Variants in SLC16A12 observed in about 807,000 individuals in gnomAD.
SLC16A12 encodes monocarboxylate transporter 12.
A neutral mutation model predicts 42.4 loss-of-function variants in SLC16A12; 17 were observed. That is an observed-to-expected ratio of 0.40 (90% confidence interval 0.27 to 0.60). The LOEUF is 0.60. Among genes scored for constraint, SLC16A12 ranks in the 20% least tolerant of loss-of-function variants. The pLI is 0.42. For missense variants in SLC16A12, 544 were observed against 623.0 expected (o/e 0.87, Z 1.35); for synonymous variants, 224 against 229.4 (o/e 0.98, Z 0.21).
upstream of SLC16A12, among the ~76,000 whole-genome samples, chr10:89,538,426 T>C (rs1382120282): frequency 6.6e-6 from 1 of 152,232 alleles, no homozygotes; most frequent in Admixed American, 6.5e-5. Flanking sequence ...TTACTACTAG[T>C]CTGTTGCACT....
At chr10:89,459,031 G>C (rs918155242) in intron 3 of SLC16A12, among the ~76,000 whole-genome samples, 7 of 152,192 alleles carry the variant, frequency 4.6e-5, no homozygotes, top group African/African-American at 1.7e-4. Context: ...TGAAAAGTAA[G>C]GAGAAAAGTT....
chr10:89,531,257 G>A (rs1370409396), intron 2 of SLC16A12, among the ~76,000 whole-genome samples: 2 of 151,938 alleles, frequency 1.3e-5, no homozygotes, highest in Non-Finnish European at 2.9e-5. Flanking sequence ...AAATTAGCCA[G>A]GCATGGTGGT....
chr10:89,468,696 C>T (rs1026045619), intron 2 of SLC16A12, among the ~76,000 whole-genome samples: 1 of 152,158 alleles, frequency 6.6e-6, no homozygotes, highest in Admixed American at 6.5e-5. Flanking sequence ...AAGAAATGTG[C>T]AGGTTAGACA....
intron 5 of SLC16A12, 25 bp downstream of exon 5, chr10:89,441,083 G>A (rs1841900489): frequency 5.0e-6 from 8 of 1,613,492 alleles, no homozygotes; most frequent in Non-Finnish European, 6.8e-6. Context: ...AGTGGGGTGA[G>A]ACAGGTGGTA....
At chr10:89,465,259 T>C (rs1842373925) in intron 2 of SLC16A12, among the ~76,000 whole-genome samples, 1 of 152,234 alleles carries the variant, frequency 6.6e-6, no homozygotes, top group Non-Finnish European at 1.5e-5. Flanking sequence ...TCCTAACCAA[T>C]GCCCTGCACT....
At chr10:89,520,655 A>G (rs1382767341) in intron 2 of SLC16A12, among the ~76,000 whole-genome samples, 2 of 149,316 alleles carry the variant, frequency 1.3e-5, no homozygotes, top group Non-Finnish European at 3.0e-5. Context: ...GCAAATGACA[A>G]TCCCTGGCAG....
At chr10:89,445,664 A>C (rs922148062) in intron 3 of SLC16A12, among the ~76,000 whole-genome samples, 2 of 152,238 alleles carry the variant, frequency 1.3e-5, no homozygotes, top group Non-Finnish European at 2.9e-5. Context: ...AGAGCAGAAA[A>C]GCTGAAAATT....
At chr10:89,468,130 A>G (rs1202000343) in intron 2 of SLC16A12, 3 of 152,214 alleles carry the variant, frequency 2.0e-5, no homozygotes, top group Non-Finnish European at 4.4e-5. Context: ...AAATTTAAAT[A>G]ATCATCCCAA....
At chr10:89,444,392 A>G (rs1841964915) in intron 3 of SLC16A12, among the ~76,000 whole-genome samples, 1 of 152,188 alleles carries the variant, frequency 6.6e-6, no homozygotes. Flanking sequence ...ATAAGAGGAT[A>G]TATTCTGGAG....
At chr10:89,499,899 A>G (rs1285512685) in intron 2 of SLC16A12, among the ~76,000 whole-genome samples, 3 of 152,218 alleles carry the variant, frequency 2.0e-5, no homozygotes, top group Admixed American at 6.5e-5. Context: ...TTAGACCATT[A>G]CTAAGATTAA....
rs1490596637 is a variant in SLC16A12, at chr10:89,430,920, T to G, written c.*2144A>C. ...TTTAAACATCTTTAGGCTTGAAAAT[T>G]CAAGAAATGATATTTAGGGCAAAGT... On this transcript the variant is annotated 3_prime_UTR_variant, in exon 8 of 8. Transcript: ENST00000371790. The G allele has an allele frequency of 3.0e-6, 1 of 338,758 alleles. No homozygotes were observed. Among genetic ancestry groups the G allele is most frequent in the Non-Finnish European group, 5.7e-6 (1 of 175,784 alleles). 21.0% of individuals were successfully genotyped at this position (338,758 alleles called of 1,614,324 possible). A position where few individuals can be genotyped will look rare whatever the true frequency, so the allele number is the denominator to read the frequency against.
At chr10:89,443,941 T>C (rs879746064) in intron 3 of SLC16A12, 82 bp from the exon 4 acceptor site, 3 of 862,868 alleles carry the variant, frequency 3.5e-6, no homozygotes, top group African/African-American at 1.7e-5. Flanking sequence ...TTGGTTCAAT[T>C]AGCTGCTCCT....
At chr10:89,531,011 ATTAC>A (rs1224516431) in intron 2 of SLC16A12, among the ~76,000 whole-genome samples, 7 of 152,146 alleles carry the variant, frequency 4.6e-5, no homozygotes, top group Non-Finnish European at 1.0e-4. Context: ...TTTTTTTAAC[ATTAC>A]TTACTTTTAT....
At chr10:89,534,475 T>G (rs1304637345) in intron 2 of SLC16A12, 26 bp downstream of exon 2, 1 of 151,886 alleles carries the variant, frequency 6.6e-6, no homozygotes, top group African/African-American at 2.4e-5. Flanking sequence ...AGGAGAGTGT[T>G]TAACCAGTTT....
intron 2 of SLC16A12, among the ~76,000 whole-genome samples, chr10:89,526,362 T>C (rs1297618662): frequency 6.6e-6 from 1 of 152,204 alleles, no homozygotes; most frequent in Non-Finnish European, 1.5e-5. Context: ...TGGGGAGACA[T>C]ATAACTTGAA....
At chr10:89,490,587 GAGA>G (rs1421320996) in intron 2 of SLC16A12, among the ~76,000 whole-genome samples, 8 of 152,164 alleles carry the variant, frequency 5.3e-5, no homozygotes, top group African/African-American at 1.9e-4. Context: ...TCATATGGAA[GAGA>G]AGCATAAGGC....
Position 89,433,249 on chromosome 10 carries a change from A to G in SLC16A12, c.1366T>C (p.Leu456=). 1 of 1,614,240 alleles carries G rather than the reference A, an allele frequency of 6.2e-7. No individual in the cohort carries two copies. Among genetic ancestry groups the G allele is most frequent in the South Asian group, 1.1e-5 (1 of 91,088 alleles). Residue 456 remains leucine, a synonymous_variant, in exon 8 of 8, where the codon TTG becomes CTG. Coordinates refer to ENST00000371790, the MANE Select transcript of SLC16A12 (RefSeq NM_213606.4). The stretch of plus-strand genomic sequence containing the variant: ...TTTATAAGTCTAGCAAAGCCAAGCA[A>G]CACAGAACTAAATATCATTGAAAAT... ...CGFSMIFSSV[L]LGFARLIKRM... is the part of the protein sequence containing the mutation.
At chr10:89,441,973 G>A (rs889943112) in intron 4 of SLC16A12, among the ~76,000 whole-genome samples, 7 of 152,204 alleles carry the variant, frequency 4.6e-5, no homozygotes, top group Non-Finnish European at 7.3e-5. Flanking sequence ...ACCTAACACC[G>A]AGTGTGAGGT....
intron 2 of SLC16A12, among the ~76,000 whole-genome samples, chr10:89,508,464 C>T (rs1234784981): frequency 6.6e-6 from 1 of 152,204 alleles, no homozygotes; most frequent in East Asian, 1.9e-4. Flanking sequence ...GAACAACCTG[C>T]TCCTGAATGA....
Sources: allele counts gnomAD v4.1 joint callset (sites outside exome capture counted in the v4.1 genomes callset), GRCh38; gene constraint gnomAD v4.1.1; transcripts MANE v1.5; gene names NCBI Gene and HGNC (gene_info 2026-07-23, HGNC 2026-07-21).